The following OSBPL10 variants were observed in gnomAD, a reference collection of about 807,000 sequenced individuals.
OSBPL10 encodes the protein oxysterol binding protein like 10.
A neutral mutation model predicts 81.7 loss-of-function variants in OSBPL10; 49 were observed. The ratio of observed to expected loss-of-function variants is 0.60; its 90% confidence interval spans 0.48 to 0.76. OSBPL10 has a LOEUF of 0.76. Ranked by LOEUF, OSBPL10 falls within the 30% of genes least tolerant of loss-of-function variation. OSBPL10 has a pLI of 0.00. For synonymous variants in OSBPL10, 419 were observed against 383.6 expected (o/e 1.09, Z -1.08); for missense variants, 923 against 987.8 (o/e 0.93, Z 0.88).
At chr3:31,698,708 G>A (rs1321685223) in intron 7 of OSBPL10, among the ~76,000 whole-genome samples, 7 of 151,802 alleles carry the variant, frequency 4.6e-5, no homozygotes, top group African/African-American at 1.2e-4. Context: ...CATCCCCTCC[G>A]GCCAGAACAC....
chr3:32,027,882 A>G (rs1575088280), intron 2 of OSBPL10, among the ~76,000 whole-genome samples: 1 of 152,236 alleles, frequency 6.6e-6, no homozygotes, highest in South Asian at 2.1e-4. Context: ...TTCTCAAAGC[A>G]AGAGAAGACC....
At chr3:31,837,324 TA>T (rs1559485969) in intron 3 of OSBPL10, among the ~76,000 whole-genome samples, 13 of 3,336 alleles carry the variant, frequency 3.9e-3, no homozygotes, top group African/African-American at 0.019. Flanking sequence ...CCCCAAATTA[TA>T]TATATATATA....
At chr3:31,959,510 C>A (rs1000597274) in intron 1 of OSBPL10, among the ~76,000 whole-genome samples, 5 of 152,162 alleles carry the variant, frequency 3.3e-5, no homozygotes, top group African/African-American at 4.8e-5. Context: ...GAGCTCTCTG[C>A]ACATTTTGAA....
chr3:31,848,355 T>A (rs1700684931), intron 3 of OSBPL10, among the ~76,000 whole-genome samples: 1 of 151,592 alleles, frequency 6.6e-6, no homozygotes, highest in Non-Finnish European at 1.5e-5. Flanking sequence ...CCCAGTTAGT[T>A]CAAATACAGA....
At chr3:31,892,468 G>A (rs888003267) in intron 1 of OSBPL10, among the ~76,000 whole-genome samples, 6 of 152,092 alleles carry the variant, frequency 3.9e-5, no homozygotes, top group African/African-American at 2.4e-5. Context: ...GCAGAAAGGC[G>A]GCTGCAGAGA....
At chr3:31,985,157 T>C (rs1266319072), upstream of OSBPL10, among the ~76,000 whole-genome samples, 1 of 152,172 alleles carries the variant, frequency 6.6e-6, no homozygotes, top group African/African-American at 2.4e-5. Flanking sequence ...GAAAATCGCT[T>C]GAACCCAGAA....
chr3:31,912,676 C>T (rs186121026), intron 1 of OSBPL10, among the ~76,000 whole-genome samples: 10 of 152,228 alleles, frequency 6.6e-5, no homozygotes, highest in Admixed American at 2.6e-4. Context: ...GACTACAATG[C>T]GCCTTCACTA....
chr3:32,026,049 T>TAGAC (rs762171604), intron 2 of OSBPL10, among the ~76,000 whole-genome samples: 6 of 118,828 alleles, frequency 5.0e-5, no homozygotes, highest in Admixed American at 2.6e-4. Context: ...GATAGATAGA[T>TAGAC]AGATAGATGA....
chr3:31,928,334 A>G (rs1435458941), intron 1 of OSBPL10, among the ~76,000 whole-genome samples: 1 of 152,198 alleles, frequency 6.6e-6, no homozygotes, highest in Admixed American at 6.5e-5. Context: ...GACAGTTTCA[A>G]GAATGACTCA....
chr3:31,809,869 CTTTT>C lies in OSBPL10; in HGVS notation c.729+20167_729+20170del, dbSNP rs34795137. Among the ~76,000 whole-genome samples the C allele has an allele frequency of 2.4e-3, 236 of 98,616 alleles. 5 individuals are homozygous for C. The highest frequency in any genetic ancestry group is 0.012 in the African/African-American group (216 of 18,424). The allele number at this position is 98,616 out of a possible 152,430, so 64.7% of individuals were successfully genotyped here. A position where few individuals can be genotyped will look rare whatever the true frequency, so the allele number is the denominator to read the frequency against. ...AAATGTCAATGGGTGCCCCCTGACT[CTTTT>C]TTTTTTTTTTTTTTTGAGATGGAGT... On this transcript the variant is annotated intron_variant, in intron 4 of 11. Coordinates refer to ENST00000396556, the MANE Select transcript of OSBPL10 (RefSeq NM_017784.5).
At chr3:31,741,075 G>C (rs557662430) in intron 5 of OSBPL10, among the ~76,000 whole-genome samples, 1 of 152,116 alleles carries the variant, frequency 6.6e-6, no homozygotes, top group African/African-American at 2.4e-5. Context: ...AGAGTGTTGA[G>C]ACCTACAAGG....
chr3:31,860,383 T>C (rs1401958406), intron 3 of OSBPL10, among the ~76,000 whole-genome samples: 1 of 152,170 alleles, frequency 6.6e-6, no homozygotes, highest in African/African-American at 2.4e-5. Context: ...CAAAGGAACA[T>C]GTCACTGAGT....
At chr3:31,750,450 C>T (rs367949837) in intron 4 of OSBPL10, among the ~76,000 whole-genome samples, 1 of 152,284 alleles carries the variant, frequency 6.6e-6, no homozygotes, top group East Asian at 1.9e-4. Context: ...ATTTATGACA[C>T]TCTACAGAAT....
chr3:31,667,191 C>T (rs544722306), intron 10 of OSBPL10, among the ~76,000 whole-genome samples: 1 of 152,332 alleles, frequency 6.6e-6, no homozygotes, highest in African/African-American at 2.4e-5. Context: ...TTTCCCCATT[C>T]TGGGAATGCT....
At chr3:31,730,616 C>G (rs571547769) in intron 6 of OSBPL10, among the ~76,000 whole-genome samples, 1 of 152,300 alleles carries the variant, frequency 6.6e-6, no homozygotes, top group Non-Finnish European at 1.5e-5. Context: ...GAATAAAATT[C>G]TAAGATCACT....
intron 4 of OSBPL10, among the ~76,000 whole-genome samples, chr3:31,763,420 C>T (rs542855312): frequency 6.6e-6 from 1 of 152,276 alleles, no homozygotes; most frequent in African/African-American, 2.4e-5. Flanking sequence ...GACTGCTTCA[C>T]CTTTGTTCAC....
chr3:31,788,405 G>A (rs1181445455), intron 4 of OSBPL10, among the ~76,000 whole-genome samples: 5 of 152,152 alleles, frequency 3.3e-5, no homozygotes, highest in African/African-American at 1.2e-4. Context: ...ATTCCACTTA[G>A]TCCTTTTCCT....
Position 31,830,121 on chromosome 3 carries a change from G to A in OSBPL10, c.648C>T (p.Val216=). 1 of 1,614,154 alleles carries A rather than the reference G, an allele frequency of 6.2e-7. No individual in the cohort carries two copies. ...CAGGCGACTTGTGATGCGTGATTGT[G>A]ACAACACCGGGGGCCCCCACACTGA... ...RHLSVGAPGV[V]TITHHKSPAA... The change falls in exon 4 of 12, where the codon GTC becomes GTT. Residue 216 remains valine, a synonymous_variant. Coordinates refer to ENST00000396556, the MANE Select transcript of OSBPL10 (RefSeq NM_017784.5).
intron 4 of OSBPL10, among the ~76,000 whole-genome samples, chr3:31,809,305 A>G (rs1380314831): frequency 6.6e-6 from 1 of 152,214 alleles, no homozygotes; most frequent in African/African-American, 2.4e-5. Context: ...AAGTCGCCCA[A>G]TCAAGTAGAA....
Sources: gnomAD v4.1 joint callset for allele counts (sites outside exome capture counted in the v4.1 genomes callset) on GRCh38, gnomAD v4.1.1 for gene constraint, MANE v1.5 for transcripts, NCBI Gene and HGNC (gene_info 2026-07-23, HGNC 2026-07-21) for gene names.